The following NFIB variants were observed in gnomAD, a reference collection of about 807,000 sequenced individuals.
NFIB encodes nuclear factor 1 B-type.
A neutral mutation model predicts 61.5 loss-of-function variants in NFIB; 11 were observed. That is an observed-to-expected ratio of 0.18 (90% confidence interval 0.11 to 0.30). The LOEUF is 0.30. Among genes scored for constraint, NFIB ranks in the 10% least tolerant of loss-of-function variants. The pLI is 1.00. For synonymous variants in NFIB, 260 were observed against 216.5 expected (o/e 1.20, Z -1.76); for missense variants, 471 against 608.9 (o/e 0.77, Z 2.38).
intron 6 of NFIB, among the ~76,000 whole-genome samples, chr9:14,139,683 G>C (rs924708701): frequency 3.3e-5 from 5 of 152,136 alleles, no homozygotes; most frequent in African/African-American, 9.7e-5. Flanking sequence ...ATGTATACAA[G>C]TTTACCCCAT....
At chr9:14,386,641 C>G (rs1000263779) in intron 1 of NFIB, among the ~76,000 whole-genome samples, 14 of 152,112 alleles carry the variant, frequency 9.2e-5, no homozygotes, top group African/African-American at 3.1e-4. Context: ...ATTATTTCTG[C>G]TTTAAGCCAG....
the NFIB span, among the ~76,000 whole-genome samples, chr9:14,466,252 A>G: frequency 6.6e-6 from 1 of 152,186 alleles, no homozygotes; most frequent in African/African-American, 2.4e-5. Flanking sequence ...TTAATTATTC[A>G]TTACTATTTG....
the NFIB span, among the ~76,000 whole-genome samples, chr9:14,413,294 T>C: frequency 6.6e-6 from 1 of 152,058 alleles, no homozygotes; most frequent in Non-Finnish European, 1.5e-5. Context: ...TTAAATAACT[T>C]CTACTTACTT....
intron 1 of NFIB, among the ~76,000 whole-genome samples, chr9:14,386,401 C>T (rs767845921): frequency 3.9e-5 from 6 of 152,168 alleles, no homozygotes; most frequent in South Asian, 2.1e-4. Context: ...AGTCCAACTT[C>T]GAAGGTCCTG....
intron 1 of NFIB, among the ~76,000 whole-genome samples, chr9:14,393,440 T>C (rs149407694): frequency 6.6e-6 from 1 of 152,270 alleles, no homozygotes; most frequent in East Asian, 1.9e-4. Flanking sequence ...CTCTTCTGAG[T>C]GCTTTGAGTA....
At chr9:14,324,020 T>G (rs2060721962) in intron 1 of NFIB, among the ~76,000 whole-genome samples, 2 of 152,172 alleles carry the variant, frequency 1.3e-5, no homozygotes, top group Admixed American at 6.5e-5. Context: ...CCAAAAAAAT[T>G]AGCATATACA....
At position 14,249,584 on chromosome 9, in the gene NFIB, C is replaced by T. The variant is rs1039143072; in HGVS notation, c.562+57405G>A. On this transcript the variant is annotated intron_variant, in intron 2 of 10. Transcript: ENST00000380953. ...TTATCTTATAAACTTCCTCAGTTTA[C>T]GTCTATCATGATTATTGCATATCAT... Among the ~76,000 whole-genome samples, 24 of 151,832 alleles carry T rather than the reference C, an allele frequency of 1.6e-4. 2 individuals are homozygous for T. The highest frequency in any genetic ancestry group is 1.2e-3 in the Admixed American group (18 of 15,254).
chr9:14,463,851 A>G, the NFIB span, among the ~76,000 whole-genome samples: 112,437 of 151,182 alleles, frequency 0.74, 42,048 homozygotes, highest in East Asian at 0.88. Context: ...TAGTAGAGAC[A>G]GGGTTTCACC....
intron 1 of NFIB, among the ~76,000 whole-genome samples, chr9:14,308,286 G>C (rs1244798967): frequency 6.6e-6 from 1 of 151,948 alleles, no homozygotes; most frequent in Non-Finnish European, 1.5e-5. Flanking sequence ...CATACTTTGA[G>C]CAGTGCATTC....
chr9:14,405,741 G>T, the NFIB span, among the ~76,000 whole-genome samples: 1 of 152,216 alleles, frequency 6.6e-6, no homozygotes, highest in African/African-American at 2.4e-5. Context: ...TAGGAAATCA[G>T]AATGAATAAG....
At chr9:14,176,846 T>C (rs1271116081) in intron 3 of NFIB, among the ~76,000 whole-genome samples, 1 of 152,084 alleles carries the variant, frequency 6.6e-6, no homozygotes, top group Non-Finnish European at 1.5e-5. Flanking sequence ...TCTGCACTTA[T>C]AGGATGATCG....
chr9:14,482,058 C>T, the NFIB span, among the ~76,000 whole-genome samples: 5 of 150,876 alleles, frequency 3.3e-5, no homozygotes, highest in East Asian at 3.9e-4. Context: ...AATACTGAGA[C>T]GATGCCCCAC....
the NFIB span, among the ~76,000 whole-genome samples, chr9:14,486,140 T>A: frequency 6.6e-6 from 1 of 152,140 alleles, no homozygotes; most frequent in African/African-American, 2.4e-5. Flanking sequence ...TGGTCAAGCG[T>A]GTATGTGAAC....
At chr9:14,163,096 T>A (rs547050570) in intron 3 of NFIB, among the ~76,000 whole-genome samples, 1 of 152,162 alleles carries the variant, frequency 6.6e-6, no homozygotes, top group East Asian at 1.9e-4. Context: ...ATACTACCTA[T>A]GAGTAGATGC....
the NFIB span, among the ~76,000 whole-genome samples, chr9:14,445,437 T>C: frequency 1.3e-5 from 2 of 152,138 alleles, no homozygotes; most frequent in East Asian, 3.8e-4. Context: ...TAAGTTTTTA[T>C]AGATGCCTTT....
rs1477644558 is a variant in NFIB at position 14,116,257 on chromosome 9, A to G, written c.1335T>C (p.Pro445=). Residue 445 remains proline (P), a synonymous_variant, in exon 9 of 11, where the codon CCT becomes CCC. Coordinates refer to ENST00000380953, the MANE Select transcript of NFIB (RefSeq NM_001190737.2). The stretch of plus-strand genomic sequence containing the variant: ...TAGTATCTGTCATGCTCAGGGTCAC[A>G]GGTCGCACTGCACTGGGATGGGGAG... ...APSPHPSAVR[P]VTLSMTDTKP... 14 of 1,538,770 alleles carry G rather than the reference A, an allele frequency of 9.1e-6. No individual in the cohort carries two copies. The highest frequency in any genetic ancestry group is 1.7e-4 in the Middle Eastern group (1 of 5,990).
At chr9:14,485,780 C>T in the NFIB span, among the ~76,000 whole-genome samples, 27,895 of 151,950 alleles carry the variant, frequency 0.18, 4,115 homozygotes, top group African/African-American at 0.4. Context: ...GAGGCTGAGG[C>T]AGGAGAATCA....
chr9:14,226,121 CA>C (rs1277638356), intron 2 of NFIB, among the ~76,000 whole-genome samples: 1 of 151,412 alleles, frequency 6.6e-6, no homozygotes. Flanking sequence ...TAAATGATGA[CA>C]ATTTGGCTTT....
At position 14,231,716 on chromosome 9, in the gene NFIB, C is replaced by T. The variant is rs73645019; in HGVS notation, c.563-51936G>A. ...CTGATGGTGAAGTGCAGTAATTATACACCTTATGACAGGACACGTGAATGG... is the reference window on the plus strand; with the variant it reads ...CTGATGGTGAAGTGCAGTAATTATATACCTTATGACAGGACACGTGAATGG... On this transcript the variant is annotated intron_variant, in intron 2 of 10. Coordinates refer to ENST00000380953, the MANE Select transcript of NFIB (RefSeq NM_001190737.2). 8.9e-3 allele frequency among the ~76,000 whole-genome samples: 1,357 copies of T among 152,216 alleles called. 23 individuals are homozygous for T. The highest frequency in any genetic ancestry group is 0.031 in the African/African-American group (1,282 of 41,526).
Sources: allele counts gnomAD v4.1 joint callset (sites outside exome capture counted in the v4.1 genomes callset), GRCh38; gene constraint gnomAD v4.1.1; transcripts MANE v1.5; gene names NCBI Gene and HGNC (gene_info 2026-07-23, HGNC 2026-07-21).